Variants in GPHN observed in about 807,000 individuals in gnomAD.
GPHN encodes the protein gephyrin.
Under a neutral mutation model 95.5 loss-of-function variants are expected in GPHN, and 17 were observed. The ratio of observed to expected loss-of-function variants is 0.18; its 90% CI spans 0.12 to 0.27. The LOEUF (loss-of-function observed/expected upper bound fraction) is 0.27, where lower values mean the gene tolerates loss of function less well. GPHN is among the 10% of genes least tolerant of loss of function. The probability of loss-of-function intolerance (pLI) is 1.00; values close to 1 mark genes in which losing one functional copy is unlikely to be tolerated. For missense variants in GPHN, 660 were observed against 978.1 expected (o/e 0.67, Z 4.34); for synonymous variants, 320 against 322.5 (o/e 0.99, Z 0.08).
At chr14:67,496,753 T>C in the GPHN span, among the ~76,000 whole-genome samples, 1 of 138,390 alleles carries the variant, frequency 7.2e-6, no homozygotes, top group Non-Finnish European at 1.6e-5. Flanking sequence ...TTTCCTTCCT[T>C]CCTCCCTCCC....
chr14:66,914,934 A>G (rs2065835321), intron 5 of GPHN, among the ~76,000 whole-genome samples: 1 of 152,140 alleles, frequency 6.6e-6, no homozygotes. Context: ...GAACTAAAAC[A>G]GATTTTGAAG....
At chr14:67,363,984 T>C in the GPHN span, 1 of 152,150 alleles carries the variant, frequency 6.6e-6, no homozygotes, top group South Asian at 2.1e-4. Context: ...GTGCTGAAAG[T>C]AGGTTGGGTG....
At chr14:67,566,492 C>T in the GPHN span, among the ~76,000 whole-genome samples, 1 of 152,192 alleles carries the variant, frequency 6.6e-6, no homozygotes, top group Non-Finnish European at 1.5e-5. Context: ...CACCTGTAAT[C>T]CCAGCACTTT....
the GPHN span, among the ~76,000 whole-genome samples, chr14:67,459,640 T>C: frequency 6.6e-6 from 1 of 152,232 alleles, no homozygotes; most frequent in African/African-American, 2.4e-5. Context: ...CCTCCCTGGT[T>C]ACACGTAAGC....
At position 66,508,433 on chromosome 14, in the gene GPHN, TG is replaced by T; in HGVS notation, c.-94del. ...CCTCGCGCTTCTCTGGCTCCCTAGC[TG>T]TCGCGCTCTCCTCGGCGAGCGCGCT... On this transcript the variant is annotated 5_prime_UTR_variant, in exon 1 of 23. Transcript: ENST00000478722. The T allele has an allele frequency of 1.9e-6, 2 of 1,069,390 alleles. No homozygotes were observed. The highest frequency in any genetic ancestry group is 2.9e-6 in the Non-Finnish European group (2 of 683,830). 66.2% of individuals were successfully genotyped at this position (1,069,390 alleles called of 1,614,324 possible).
chr14:66,777,439 T>C (rs964159746), intron 3 of GPHN, among the ~76,000 whole-genome samples: 2 of 152,018 alleles, frequency 1.3e-5, no homozygotes, highest in Non-Finnish European at 2.9e-5. Flanking sequence ...TCCCAATCAA[T>C]AGAAAGAGAG....
chr14:67,642,259 A>T, the GPHN span: 1 of 1,614,130 alleles, frequency 6.2e-7, no homozygotes, highest in Admixed American at 1.7e-5. Context: ...ACAACCTGAT[A>T]GTGAATCCAC....
the GPHN span, chr14:67,569,072 C>CAT: frequency 9.0e-7 from 1 of 1,110,388 alleles, no homozygotes; most frequent in African/African-American, 1.5e-5. Flanking sequence ...TTTTCCTGCA[C>CAT]ATGCCTGGAG....
the GPHN span, among the ~76,000 whole-genome samples, chr14:67,218,501 G>T: frequency 6.6e-6 from 1 of 152,138 alleles, no homozygotes; most frequent in East Asian, 1.9e-4. Flanking sequence ...GGGCTGCTTG[G>T]CAGCCTGGGG....
the GPHN span, among the ~76,000 whole-genome samples, chr14:67,289,028 G>A: frequency 4.2e-5 from 6 of 144,058 alleles, no homozygotes; most frequent in Non-Finnish European, 7.5e-5. Flanking sequence ...GTGCAGTGGC[G>A]TGATACTGGG....
At chr14:66,912,007 A>G (rs2065696252) in intron 5 of GPHN, among the ~76,000 whole-genome samples, 2 of 152,028 alleles carry the variant, frequency 1.3e-5, no homozygotes, top group Admixed American at 1.3e-4. Flanking sequence ...ACAACTTTCT[A>G]CTTTGCAGCC....
At chr14:67,352,846 A>G in the GPHN span, 1 of 817,776 alleles carries the variant, frequency 1.2e-6, no homozygotes, top group Non-Finnish European at 1.7e-6. Flanking sequence ...TAAAATAACA[A>G]CAACAAAAAA....
intron 11 of GPHN, among the ~76,000 whole-genome samples, chr14:67,059,523 T>G (rs1241269699): frequency 1.3e-5 from 2 of 152,184 alleles, no homozygotes; most frequent in Non-Finnish European, 2.9e-5. Context: ...TAAAAAACTT[T>G]ATAGAATCAT....
chr14:67,726,657 A>T, the GPHN span, among the ~76,000 whole-genome samples: 1 of 152,312 alleles, frequency 6.6e-6, no homozygotes, highest in African/African-American at 2.4e-5. Flanking sequence ...TGACTGTTCT[A>T]TCCTTCTGCC....
chr14:66,632,873 GAAC>G (rs1184924311), intron 1 of GPHN, among the ~76,000 whole-genome samples: 1 of 152,068 alleles, frequency 6.6e-6, no homozygotes, highest in Non-Finnish European at 1.5e-5. Flanking sequence ...TGCTAAGAAA[GAAC>G]AACAACAAAA....
chr14:66,907,434 G>C (rs1460965969), intron 5 of GPHN, among the ~76,000 whole-genome samples: 2 of 152,092 alleles, frequency 1.3e-5, no homozygotes, highest in African/African-American at 4.8e-5. Context: ...GAAAGATATA[G>C]GTGAATGGAT....
At chr14:66,991,116 A>T (rs1046919802) in intron 9 of GPHN, among the ~76,000 whole-genome samples, 1 of 152,132 alleles carries the variant, frequency 6.6e-6, no homozygotes, top group African/African-American at 2.4e-5. Flanking sequence ...TTTATTCAAC[A>T]TTGATTCATA....
the GPHN span, among the ~76,000 whole-genome samples, chr14:67,266,366 C>T: frequency 2.6e-5 from 4 of 152,028 alleles, no homozygotes; most frequent in South Asian, 4.1e-4. Flanking sequence ...CACTCTGTTG[C>T]CCAGTCTGAA....
the GPHN span, chr14:67,651,484 A>G: frequency 3.7e-6 from 6 of 1,613,508 alleles, no homozygotes; most frequent in Non-Finnish European, 5.1e-6. Context: ...TTGTCACTCT[A>G]CAAAGAGAAG....
Sources: gnomAD v4.1 joint callset for allele counts (sites outside exome capture counted in the v4.1 genomes callset) on GRCh38, gnomAD v4.1.1 for gene constraint, MANE v1.5 for transcripts, NCBI Gene and HGNC (gene_info 2026-07-23, HGNC 2026-07-21) for gene names.